Variants in TLE1 observed in about 807,000 individuals in gnomAD.
TLE1 encodes TLE family member 1, transcriptional corepressor.
A neutral mutation model predicts 89.8 loss-of-function variants in TLE1; 21 were observed. That is an observed-to-expected ratio of 0.23 (90% CI 0.17 to 0.34). TLE1 has a LOEUF of 0.34. Ranked by LOEUF, TLE1 falls within the 10% of genes least tolerant of loss-of-function variation. The pLI is 1.00. For synonymous variants in TLE1, 447 were observed against 407.6 expected (o/e 1.10, Z -1.16); for missense variants, 795 against 1,031.2 (o/e 0.77, Z 3.14).
rs982672272 is a variant in TLE1 at position 81,689,096 on chromosome 9, C to A, written c.-856G>T. 6.6e-6 allele frequency: 1 copy of A among 152,320 alleles called. No individual in the cohort carries two copies. Among genetic ancestry groups the A allele is most frequent in the African/African-American group, 2.4e-5 (1 of 41,454 alleles). 9.4% of individuals were successfully genotyped at this position (152,320 alleles called of 1,614,324 possible). A position where few individuals can be genotyped will look rare whatever the true frequency, so the allele number is the denominator to read the frequency against. On this transcript the variant is annotated 5_prime_UTR_variant, in exon 1 of 20. Transcript: ENST00000376499. ...GCGCCTCGGGCGCACTCGCCCTGCA[C>A]GGCCGGACCGGCCGCTCCGGACCCT...
At chr9:81,654,203 G>A (rs781172780) in intron 4 of TLE1, among the ~76,000 whole-genome samples, 167 bp from the exon 5 acceptor site, 1 of 152,122 alleles carries the variant, frequency 6.6e-6, no homozygotes. Context: ...ATAAACAGTA[G>A]ATATTAATCC....
At chr9:81,621,631 T>C (rs1825268877) in intron 8 of TLE1, among the ~76,000 whole-genome samples, 1 of 152,210 alleles carries the variant, frequency 6.6e-6, no homozygotes, top group Non-Finnish European at 1.5e-5. Context: ...CCACATCTAA[T>C]GCAACAGTAT....
intron 14 of TLE1, chr9:81,600,251 A>C (rs1425740529): frequency 1.7e-6 from 1 of 579,740 alleles, no homozygotes; most frequent in East Asian, 2.8e-5. Flanking sequence ...AAAAACGAGC[A>C]TTATCCAAGC....
At chr9:81,640,028 G>A (rs944659570) in intron 6 of TLE1, among the ~76,000 whole-genome samples, 1 of 152,134 alleles carries the variant, frequency 6.6e-6, no homozygotes, top group African/African-American at 2.4e-5. Context: ...ATGGCCATGT[G>A]TGGAGGTCAC....
chr9:81,593,419 G>T, intron 14 of TLE1, 145 bp from the exon 15 acceptor site: 1 of 1,183,456 alleles, frequency 8.4e-7, no homozygotes, highest in Non-Finnish European at 1.2e-6. Context: ...AATACAAATT[G>T]AAGCATTTAC....
At chr9:81,667,385 C>CAAAAAAAAAAAAAAAA in intron 4 of TLE1, among the ~76,000 whole-genome samples, 1 of 89,868 alleles carries the variant, frequency 1.1e-5, no homozygotes, top group Non-Finnish European at 2.2e-5. Context: ...CAGACTGTCT[C>CAAAAAAAAAAAAAAAA]AAAAAAAAAA....
At chr9:81,605,860 T>G (rs1831582666) in intron 14 of TLE1, among the ~76,000 whole-genome samples, 1 of 149,532 alleles carries the variant, frequency 6.7e-6, no homozygotes, top group African/African-American at 2.4e-5. Context: ...GGAGAAAATT[T>G]TTGCAATCTA....
chr9:81,661,711 C>A (rs548999898), intron 4 of TLE1, among the ~76,000 whole-genome samples: 1 of 152,036 alleles, frequency 6.6e-6, no homozygotes. Flanking sequence ...CCTCTAAATC[C>A]CTTCTGACTA....
chr9:81,682,242 G>C (rs1833725364), intron 4 of TLE1, among the ~76,000 whole-genome samples: 1 of 146,820 alleles, frequency 6.8e-6, no homozygotes, highest in Admixed American at 6.9e-5. Flanking sequence ...AACAAAGCGA[G>C]ATTCCATCTC....
At chr9:81,645,217 G>C (rs879937117) in intron 6 of TLE1, among the ~76,000 whole-genome samples, 2 of 150,800 alleles carry the variant, frequency 1.3e-5, no homozygotes, top group Non-Finnish European at 3.0e-5. Context: ...AAATTAGCCA[G>C]GCATGGTGGC....
At chr9:81,652,031 C>T (rs1479049298) in intron 6 of TLE1, among the ~76,000 whole-genome samples, 183 bp downstream of exon 6, 2 of 151,474 alleles carry the variant, frequency 1.3e-5, no homozygotes. Flanking sequence ...AAGCCCTCTT[C>T]CTCCATATAC....
Position 81,597,513 on chromosome 9 carries a change from G to A in TLE1, c.1332-4239C>T, listed in dbSNP as rs536817005. ...AAACGCCCAAAGAGTAGAGATGGAC[G>A]TTTGGATAGAATCGTGGCAAACTGC... On this transcript the variant is annotated intron_variant, in intron 14 of 19. Transcript: ENST00000376499. Among the ~76,000 whole-genome samples, 8 of 152,258 alleles carry A rather than the reference G, an allele frequency of 5.3e-5. No individual in the cohort carries two copies. The South Asian group carries it at 1.2e-3, about 24-fold the overall frequency.
chr9:81,650,718 G>A (rs549258175), intron 6 of TLE1, among the ~76,000 whole-genome samples: 3 of 152,254 alleles, frequency 2.0e-5, no homozygotes, highest in African/African-American at 7.2e-5. Flanking sequence ...GAAGGAGGGG[G>A]AAGGCAGTGC....
chr9:81,659,070 G>A (rs1830467621), intron 4 of TLE1, among the ~76,000 whole-genome samples: 1 of 151,904 alleles, frequency 6.6e-6, no homozygotes, highest in African/African-American at 2.4e-5. Context: ...CACCACACCT[G>A]GCTAATTTTT....
rs1198002527 is a variant in TLE1, at chr9:81,687,392, G to A, written c.67C>T (p.Pro23Ser). 15 of 1,611,458 alleles carry A rather than the reference G, an allele frequency of 9.3e-6. No individual in the cohort carries two copies. The highest frequency in any genetic ancestry group is 1.3e-5 in the African/African-American group (1 of 75,032). ...AAGQPFKFTI[P>S]ESLDRIKEEF... ...TCTTTAATCCGGTCCAGGGACTCCG[G>A]GATAGTGAACTTGAAGGGCTGGCCT... is the stretch of plus-strand genomic sequence containing the variant. Residue 23 changes from proline to serine, a missense_variant, in exon 2 of 20, where the codon CCG becomes TCG. Transcript: ENST00000376499.
At chr9:81,673,567 T>C (rs1199773210) in intron 4 of TLE1, among the ~76,000 whole-genome samples, 1 of 152,142 alleles carries the variant, frequency 6.6e-6, no homozygotes. Context: ...GCTCCTGCAT[T>C]TGGTAACTCA....
chr9:81,675,836 G>A (rs1393850139), intron 4 of TLE1, among the ~76,000 whole-genome samples: 1 of 151,904 alleles, frequency 6.6e-6, no homozygotes, highest in Non-Finnish European at 1.5e-5. Flanking sequence ...GAGTAGCTGG[G>A]ATGACAGGTG....
chr9:81,617,967 G>T (rs1398836880), intron 9 of TLE1, among the ~76,000 whole-genome samples: 4 of 152,166 alleles, frequency 2.6e-5, no homozygotes, highest in African/African-American at 9.7e-5. Context: ...GGAGGTTGCA[G>T]TGAGCCGAGA....
intron 14 of TLE1, among the ~76,000 whole-genome samples, chr9:81,595,783 C>T (rs939475568): frequency 4.8e-4 from 70 of 146,110 alleles, no homozygotes; most frequent in African/African-American, 1.7e-3. Flanking sequence ...TGTGCCACTG[C>T]ACTCCAGCCT....
Sources: allele counts gnomAD v4.1 joint callset (sites outside exome capture counted in the v4.1 genomes callset), GRCh38; gene constraint gnomAD v4.1.1; transcripts MANE v1.5; gene names NCBI Gene and HGNC (gene_info 2026-07-23, HGNC 2026-07-21).